Variants in SETX observed in about 807,000 individuals in gnomAD.
SETX encodes senataxin.
SETX carries 90 observed loss-of-function variants against 227.2 expected under a neutral mutation model. The ratio of observed to expected loss-of-function variants is 0.40; its 90% CI spans 0.33 to 0.47. The LOEUF (loss-of-function observed/expected upper bound fraction) is 0.47. Ranked by LOEUF, SETX falls within the 20% of genes least tolerant of loss-of-function variation. The pLI, the probability that SETX is intolerant of heterozygous loss-of-function variation, is 0.91. For synonymous variants in SETX, 1,210 were observed against 1,113.2 expected, an observed-to-expected ratio of 1.09 and a Z score of -1.73; for missense variants, 3,052 against 3,181.5, an observed-to-expected ratio of 0.96 and a Z score of 0.98.
chr9:132,342,727 G>C lies in SETX; in HGVS notation c.461C>G (p.Pro154Arg), dbSNP rs1395595282. 8 of 1,613,642 alleles carry C rather than the reference G, an allele frequency of 5.0e-6. No homozygotes were observed. Among genetic ancestry groups the C allele is most frequent in the Admixed American group, 1.7e-5 (1 of 59,994 alleles). ...NCSFQVFDKHPGIYLFLVHPN... is the reference protein window; with the variant it reads ...NCSFQVFDKHRGIYLFLVHPN... The stretch of plus-strand genomic sequence containing the variant: ...ATGGACTAAAAACAAATAGATCCCT[G>C]GATGTTTATCAAACACCTGAAAGGA... Residue 154 changes from proline to arginine, a missense_variant, in exon 5 of 26, where the codon CCA becomes CGA. This residue lies in a region of SETX where 239 missense variants were observed against 240.8 expected (regional missense o/e 0.99). Coordinates refer to ENST00000224140, the MANE Select transcript of SETX (RefSeq NM_015046.7).
chr9:132,304,336 T>C (rs913984433), intron 11 of SETX, among the ~76,000 whole-genome samples: 5 of 151,802 alleles, frequency 3.3e-5, no homozygotes, highest in African/African-American at 7.3e-5. Flanking sequence ...ATACTGTAGG[T>C]AGAACCAAAA....
intron 6 of SETX, among the ~76,000 whole-genome samples, chr9:132,335,390 CAAAAAAA>C (rs1157691529): frequency 7.7e-5 from 4 of 52,016 alleles, no homozygotes; most frequent in African/African-American, 2.4e-4. Context: ...GACTCCGTCT[CAAAAAAA>C]AAAAAAAAAA....
rs1589791895 is a variant in SETX at position 132,349,415 on chromosome 9, C to G, written c.14G>C (p.Cys5Ser). Residue 5 changes from cysteine to serine, a missense_variant, in exon 3 of 26, where the codon TGT becomes TCT. By Grantham distance (112) the Cys-to-Ser change is moderately radical (BLOSUM62 -1). Around this residue, in one of 10 missense-constraint regions of SETX, gnomAD observed 152 missense variants for 156.2 expected, o/e 0.97. Coordinates refer to ENST00000224140, the MANE Select transcript of SETX (RefSeq NM_015046.7). ...GGAAGCACCACCTGGCGTACACCAA[C>G]AACATGTGCTCATTCTGTACCTACA... MSTC[C>S]WCTPGGASTI... 1 of 1,614,176 alleles carries G rather than the reference C, an allele frequency of 6.2e-7. No homozygotes were observed. Among genetic ancestry groups the G allele is most frequent in the Non-Finnish European group, 8.5e-7 (1 of 1,180,028 alleles).
At chr9:132,312,226 CAGATCAGCT>C (rs1164749377) in intron 10 of SETX, among the ~76,000 whole-genome samples, 2 of 152,112 alleles carry the variant, frequency 1.3e-5, no homozygotes, top group African/African-American at 4.8e-5. Flanking sequence ...ACTTCCCAAC[CAGATCAGCT>C]AGCTCACAAG....
rs983956613 is a variant in SETX, at chr9:132,274,969, G to C, written c.7100+287C>G. 5 of 414,092 alleles carry C rather than the reference G, an allele frequency of 1.2e-5. No homozygotes were observed. In the South Asian group the frequency reaches 1.8e-4, roughly 15 times the overall value. 25.7% of individuals were successfully genotyped at this position (414,092 alleles called of 1,614,324 possible). A position where few individuals can be genotyped will look rare whatever the true frequency, so the allele number is the denominator to read the frequency against. ...GTTACTTTTAGTCTTGCTAGAACAAGAATTCAGATGAACAAGTCATGGAAC... is the reference window on the plus strand; with the variant it reads ...GTTACTTTTAGTCTTGCTAGAACAACAATTCAGATGAACAAGTCATGGAAC... On this transcript the variant is annotated intron_variant, in intron 23 of 25. Transcript: ENST00000224140.
intron 11 of SETX, among the ~76,000 whole-genome samples, chr9:132,306,472 A>G (rs1845341833): frequency 6.6e-6 from 1 of 152,130 alleles, no homozygotes; most frequent in South Asian, 2.1e-4. Flanking sequence ...TTGGCCTCCC[A>G]AAGTGCTGGG....
At chr9:132,272,050 T>G (rs962396990) in intron 23 of SETX, among the ~76,000 whole-genome samples, 7 of 151,972 alleles carry the variant, frequency 4.6e-5, no homozygotes, top group Non-Finnish European at 4.4e-5. Flanking sequence ...GCCCAGCTAA[T>G]TTTTTGTATT....
intron 11 of SETX, among the ~76,000 whole-genome samples, chr9:132,307,678 A>ATTTT (rs535908148): frequency 7.4e-6 from 1 of 135,456 alleles, no homozygotes; most frequent in African/African-American, 2.8e-5. Flanking sequence ...CTTACTAGTG[A>ATTTT]TTTTTTTTTT....
At chr9:132,336,863 A>C (rs771303885) in intron 5 of SETX, among the ~76,000 whole-genome samples, 114 of 152,344 alleles carry the variant, frequency 7.5e-4, no homozygotes, top group Non-Finnish European at 1.5e-3. Flanking sequence ...CAGGAGTTCA[A>C]GACCAGCCTC....
At position 132,331,355 on chromosome 9, in the gene SETX, G is replaced by T. The variant is rs754590417; in HGVS notation, c.932C>A (p.Pro311His). 1 of 1,613,914 alleles carries T rather than the reference G, an allele frequency of 6.2e-7. No homozygotes were observed. Among genetic ancestry groups the T allele is most frequent in the African/African-American group, 1.3e-5 (1 of 74,968 alleles). The change falls in exon 8 of 26, where the codon CCT becomes CAT. Residue 311 changes from proline to histidine, a missense_variant. Pro to His is a moderately conservative substitution (Grantham distance 77, BLOSUM62 -2). This residue lies in a region of SETX where 239 missense variants were observed against 240.8 expected (regional missense o/e 0.99). Coordinates refer to ENST00000224140, the MANE Select transcript of SETX (RefSeq NM_015046.7). ...GSKVWGQLMD[P>H]IVAFQTIINN... is the part of the protein sequence containing the mutation. The stretch of plus-strand genomic sequence containing the variant: ...GATAATGGTTTGAAATGCCACAATA[G>T]GATCCATAAGTTGACCCCAGACCTT...
chr9:132,330,378 G>A lies in SETX; in HGVS notation c.1220C>T (p.Thr407Ile). ...GACAAAAGGGATGAACCATAGAAATGTGCTGTTATGAACACGCATGTCTTG... is the reference window on the plus strand; with the variant it reads ...GACAAAAGGGATGAACCATAGAAATATGCTGTTATGAACACGCATGTCTTG... ...IGQDMRVHNS[T>I]FLWFIPFVQS... The change falls in exon 10 of 26, where the codon ACA becomes ATA. Residue 407 changes from threonine to isoleucine, a missense_variant. This residue lies in a region of SETX where 39 missense variants were observed against 84.8 expected (regional missense o/e 0.46). Coordinates refer to ENST00000224140, the MANE Select transcript of SETX (RefSeq NM_015046.7). 6.2e-7 allele frequency: 1 copy of A among 1,614,152 alleles called. No individual in the cohort carries two copies. The highest frequency in any genetic ancestry group is 1.1e-5 in the South Asian group (1 of 91,086).
At position 132,288,332 on chromosome 9, in the gene SETX, A is replaced by G; in HGVS notation, c.6228T>C (p.His2076=). The G allele has an allele frequency of 6.2e-7, 1 of 1,613,518 alleles. No homozygotes were observed. The highest frequency in any genetic ancestry group is 8.5e-7 in the Non-Finnish European group (1 of 1,179,410). The part of the protein sequence containing the change: ...NHRMKKELPS[H]VQAMHKRKEF... The stretch of plus-strand genomic sequence containing the variant: ...CCTTTCTTTTATGCATCGCCTGAAC[A>G]TGAGAAGGTAACTCTTTTTCTAATA... The change falls in exon 17 of 26, where the codon CAT becomes CAC. Residue 2076 remains histidine (H), a synonymous_variant. Coordinates refer to ENST00000224140, the MANE Select transcript of SETX (RefSeq NM_015046.7).
intron 25 of SETX, among the ~76,000 whole-genome samples, chr9:132,267,977 G>GT (rs762878953): frequency 2.0e-5 from 3 of 152,186 alleles, no homozygotes; most frequent in Non-Finnish European, 4.4e-5. Flanking sequence ...ACTAAAAGAT[G>GT]TATCTCTAGC....
chr9:132,339,144 A>C (rs1315169413), intron 5 of SETX, among the ~76,000 whole-genome samples: 1 of 152,112 alleles, frequency 6.6e-6, no homozygotes, highest in Non-Finnish European at 1.5e-5. Flanking sequence ...TAATATAGTC[A>C]AGTTCATCAA....
In SETX at chr9:132,328,165, G is replaced by A. The variant is rs375796832; in HGVS notation, c.3433C>T (p.Arg1145Trp). 31 of 1,613,970 alleles carry A rather than the reference G, an allele frequency of 1.9e-5. No homozygotes were observed. The highest frequency in any genetic ancestry group is 8.3e-5 in the Admixed American group (5 of 60,002). Residue 1145 changes from arginine to tryptophan, a missense_variant, in exon 10 of 26, where the codon CGG (arginine) becomes TGG (tryptophan). Arg to Trp is a moderately radical substitution (Grantham distance 101). This residue lies in a region of SETX where 1,483 missense variants were observed against 1,312.0 expected (regional missense o/e 1.13). Coordinates refer to ENST00000224140, the MANE Select transcript of SETX (RefSeq NM_015046.7). ...CAAAATTCTTCAACAGAAATACTCC[G>A]TGGTCTTGTGTGTTCTTCAATGCCC... ...AEGIEEHTRPRSISVEEFCEI... is the reference protein window; with the variant it reads ...AEGIEEHTRPWSISVEEFCEI...
chr9:132,341,531 T>C (rs1018472501), intron 5 of SETX, among the ~76,000 whole-genome samples: 3 of 152,206 alleles, frequency 2.0e-5, no homozygotes, highest in Non-Finnish European at 4.4e-5. Flanking sequence ...CTAGGTCTAC[T>C]ATCAGCAGCT....
chr9:132,330,274 C>G lies in SETX; in HGVS notation c.1324G>C (p.Glu442Gln). 1 of 1,585,658 alleles carries G rather than the reference C, an allele frequency of 6.3e-7. No homozygotes were observed. Among genetic ancestry groups the G allele is most frequent in the South Asian group, 1.2e-5 (1 of 86,560 alleles). The change falls in exon 10 of 26, where the codon GAA (glutamate) becomes CAA (glutamine). Residue 442 changes from glutamate (E) to glutamine (Q), a missense_variant. By Grantham distance (29) the Glu-to-Gln change is conservative. Around this residue, in one of 10 missense-constraint regions of SETX, gnomAD observed 179 missense variants for 197.1 expected, o/e 0.91. Transcript: ENST00000224140. Reference protein sequence around the residue: ...VVNHLYSEVKEVLNQTDAVCD... With the variant: ...VVNHLYSEVKQVLNQTDAVCD... ...ACAGCATCTGTTTGGTTGAGGACTT[C>G]TTTGACTTCAGAGTACAGATGATTA...
chr9:132,347,537 G>T (rs1372888542), intron 3 of SETX, among the ~76,000 whole-genome samples: 1 of 151,846 alleles, frequency 6.6e-6, no homozygotes, highest in Non-Finnish European at 1.5e-5. Flanking sequence ...GTCTCAAACT[G>T]CTGACCTCGT....
rs772221233 is a variant in SETX, at chr9:132,287,869, G to A, written c.6324+367C>T. 1.6e-4 allele frequency among the ~76,000 whole-genome samples: 25 copies of A among 151,784 alleles called. No homozygotes were observed. The East Asian group carries it at 4.1e-3, about 25-fold the overall frequency. On this transcript the variant is annotated intron_variant, in intron 17 of 25. Transcript: ENST00000224140. Reference sequence around the variant, plus strand: ...ATCATGCCATTCCCCAATAAATAAAGGGCATTAAATACTCATTAATTAGGC... The same window carrying A: ...ATCATGCCATTCCCCAATAAATAAAAGGCATTAAATACTCATTAATTAGGC...
Sources: gnomAD v4.1 joint callset for allele counts (sites outside exome capture counted in the v4.1 genomes callset) on GRCh38, gnomAD v4.1.1 for gene constraint, gnomAD v4.1.1 regional missense constraint, MANE v1.5 for transcripts, NCBI Gene and HGNC (gene_info 2026-07-23, HGNC 2026-07-21) for gene names.